The following TENM2 variants were observed in gnomAD, a reference collection of about 807,000 sequenced individuals.
The protein encoded by TENM2 is teneurin-2.
Under a neutral mutation model 245.2 loss-of-function variants are expected in TENM2, and 52 were observed. That is an observed-to-expected ratio of 0.21 (90% CI 0.17 to 0.27). The LOEUF is 0.27. Ranked by LOEUF, TENM2 falls within the 10% of genes least tolerant of loss-of-function variation. TENM2 has a pLI of 1.00. For missense variants in TENM2, 3,046 were observed against 3,666.8 expected, an observed-to-expected ratio of 0.83 and a Z score of 4.37; for synonymous variants, 1,363 against 1,438.9, an observed-to-expected ratio of 0.95 and a Z score of 1.19.
intron 2 of TENM2, among the ~76,000 whole-genome samples, chr5:167,850,390 G>A (rs950794086): frequency 1.3e-5 from 2 of 152,180 alleles, no homozygotes; most frequent in Non-Finnish European, 2.9e-5. Context: ...AACAGGCCCT[G>A]TGAGGCTGTG....
At chr5:167,284,647 G>A (rs1419858094), upstream of TENM2, among the ~76,000 whole-genome samples, 2 of 152,190 alleles carry the variant, frequency 1.3e-5, no homozygotes, top group Non-Finnish European at 2.9e-5. Context: ...AAAAGAGATT[G>A]TGCAGGGCTG....
At chr5:167,951,351 C>T (rs1398097659) in intron 3 of TENM2, among the ~76,000 whole-genome samples, 1 of 152,178 alleles carries the variant, frequency 6.6e-6, no homozygotes, top group Non-Finnish European at 1.5e-5. Flanking sequence ...CCAGCCCTGA[C>T]TGGAAGCTTC....
At chr5:167,964,440 C>T (rs1023145006) in intron 4 of TENM2, among the ~76,000 whole-genome samples, 5 of 152,154 alleles carry the variant, frequency 3.3e-5, no homozygotes, top group East Asian at 3.8e-4. Flanking sequence ...AGCTGCAAAA[C>T]GGTTTGCAAT....
chr5:167,688,962 T>C (rs777633028), intron 2 of TENM2, among the ~76,000 whole-genome samples: 37 of 152,312 alleles, frequency 2.4e-4, no homozygotes, highest in Middle Eastern at 3.4e-3. Flanking sequence ...TCTTTTCCAT[T>C]ATAAGCAACG....
At chr5:167,528,140 C>T (rs115100202) in intron 2 of TENM2, among the ~76,000 whole-genome samples, 144 of 152,106 alleles carry the variant, frequency 9.5e-4, no homozygotes, top group African/African-American at 3.3e-3. Context: ...GAAAGCCTGA[C>T]GATTTGGAGG....
chr5:167,231,875 G>C, the TENM2 span, among the ~76,000 whole-genome samples: 9 of 152,268 alleles, frequency 5.9e-5, no homozygotes, highest in East Asian at 1.6e-3. Flanking sequence ...TGGTTTTTAT[G>C]GGCCGGCCCC....
intron 9 of TENM2, among the ~76,000 whole-genome samples, chr5:168,110,291 G>A (rs992006806): frequency 6.6e-6 from 1 of 152,022 alleles, no homozygotes; most frequent in Non-Finnish European, 1.5e-5. Context: ...AGTTGGAATA[G>A]TTTTCTCCCA....
At chr5:167,209,867 T>G in the TENM2 span, among the ~76,000 whole-genome samples, 3 of 152,196 alleles carry the variant, frequency 2.0e-5, no homozygotes, top group African/African-American at 7.2e-5. Context: ...TTCTCTTCCC[T>G]TATTCAACTA....
In TENM2 at chr5:167,887,396, C is replaced by A. The variant is rs537553492; in HGVS notation, c.712+11201C>A. ...TAAGAAGGACAATGTTAGAGTGGGG[C>A]AACAAAAAGGTGGCAGCAGCCCCCA... On this transcript the variant is annotated intron_variant, in intron 3 of 28. Transcript: ENST00000518659. Among the ~76,000 whole-genome samples the A allele has an allele frequency of 1.1e-3, 170 of 152,300 alleles. No homozygotes were observed. The Middle Eastern group carries it at 0.031, about 27-fold the overall frequency.
chr5:167,305,617 T>A (rs1755626606), intron 1 of TENM2, among the ~76,000 whole-genome samples: 2 of 152,234 alleles, frequency 1.3e-5, no homozygotes, highest in Admixed American at 6.5e-5. Context: ...GAACTTTAAA[T>A]GATGTGGTAA....
chr5:168,207,334 G>A (rs757832290), intron 19 of TENM2, among the ~76,000 whole-genome samples: 1 of 152,026 alleles, frequency 6.6e-6, no homozygotes, highest in Non-Finnish European at 1.5e-5. Flanking sequence ...CACGTCTCTC[G>A]AGTTGTGGAG....
rs1362599213 is a variant in TENM2 at position 168,192,511 on chromosome 5, T to C, written c.2780+1964T>C. ...ATCCTGAAGACTACCCCCATGCATA[T>C]GCCCTGAATTGCCATTCTTGCTTCC... is the stretch of plus-strand genomic sequence containing the variant. On this transcript the variant is annotated intron_variant, in intron 14 of 28. Coordinates refer to ENST00000518659, the Ensembl canonical transcript of TENM2. Among the ~76,000 whole-genome samples, 4 of 152,226 alleles carry C rather than the reference T, an allele frequency of 2.6e-5. No individual in the cohort carries two copies. The East Asian group carries it at 7.7e-4, about 29-fold the overall frequency.
chr5:167,618,737 G>GT (rs1295193457), intron 2 of TENM2, among the ~76,000 whole-genome samples: 1 of 152,068 alleles, frequency 6.6e-6, no homozygotes, highest in African/African-American at 2.4e-5. Context: ...CAAGCAACCT[G>GT]TTTTTTGTAT....
intron 3 of TENM2, 149 bp downstream of exon 5, chr5:167,876,344 T>C (rs780837732): frequency 1.4e-6 from 1 of 706,118 alleles, no homozygotes; most frequent in Non-Finnish European, 2.4e-6. Context: ...TGTGGCATGG[T>C]ATTTTCAAGA....
intron 2 of TENM2, among the ~76,000 whole-genome samples, chr5:167,382,135 G>A (rs1037006367): frequency 2.0e-5 from 3 of 152,096 alleles, no homozygotes; most frequent in African/African-American, 4.8e-5. Context: ...GGACTATTTG[G>A]AAATAGATGG....
intron 2 of TENM2, among the ~76,000 whole-genome samples, chr5:167,523,793 C>T (rs1434422179): frequency 6.6e-6 from 1 of 152,104 alleles, no homozygotes; most frequent in African/African-American, 2.4e-5. Context: ...AAATATCTCC[C>T]CAAATGCAAC....
chr5:168,005,900 G>C (rs1356931817), intron 5 of TENM2, among the ~76,000 whole-genome samples: 2 of 152,094 alleles, frequency 1.3e-5, no homozygotes, highest in Non-Finnish European at 2.9e-5. Context: ...GAAAAGACAG[G>C]AGAAGCATTC....
At chr5:167,385,571 T>C (rs1327491707) in intron 2 of TENM2, among the ~76,000 whole-genome samples, 2 of 151,816 alleles carry the variant, frequency 1.3e-5, no homozygotes, top group Non-Finnish European at 2.9e-5. Context: ...AGTGAGTTCT[T>C]TAGTGGTGAT....
chr5:168,174,604 G>A (rs896426964), intron 13 of TENM2, among the ~76,000 whole-genome samples: 2 of 152,196 alleles, frequency 1.3e-5, no homozygotes, highest in Non-Finnish European at 2.9e-5. Flanking sequence ...AGATGATGCT[G>A]TTGCGTTGAG....
Sources: allele counts gnomAD v4.1 joint callset (sites outside exome capture counted in the v4.1 genomes callset), GRCh38; gene constraint gnomAD v4.1.1; transcripts MANE v1.5; gene names NCBI Gene and HGNC (gene_info 2026-07-23, HGNC 2026-07-21).